CASP6: variants seen among roughly 807,000 people sequenced by gnomAD.
CASP6 encodes the protein caspase-6.
CASP6 carries 20 observed loss-of-function variants against 31.8 expected under a neutral mutation model. The observed-to-expected ratio is 0.63, with a 90% CI of 0.44 to 0.91. The LOEUF (loss-of-function observed/expected upper bound fraction) is 0.91, where lower values mean the gene tolerates loss of function less well. CASP6 is among the 40% of genes least tolerant of loss of function. CASP6 has a pLI of 0.00. For synonymous variants in CASP6, 130 were observed against 127.8 expected, an observed-to-expected ratio of 1.02 and a Z score of -0.12; for missense variants, 328 against 361.1, an observed-to-expected ratio of 0.91 and a Z score of 0.74.
At chr4:109,695,436 C>G (rs5030570) in intron 4 of CASP6, among the ~76,000 whole-genome samples, 6 of 152,138 alleles carry the variant, frequency 3.9e-5, no homozygotes, top group Non-Finnish European at 7.3e-5. Context: ...CAGCTCCCCA[C>G]GCATTGCTGC....
chr4:109,677,802 ATTTTTTTTT>A, the CASP6 span, among the ~76,000 whole-genome samples: 3 of 86,606 alleles, frequency 3.5e-5, no homozygotes, highest in African/African-American at 1.4e-4. Flanking sequence ...AAGGAAACAA[ATTTTTTTTT>A]TTTTTTTTTT....
At chr4:109,696,675 C>T (rs1232496220) in intron 3 of CASP6, among the ~76,000 whole-genome samples, 189 bp from the exon 4 acceptor site, 2 of 151,886 alleles carry the variant, frequency 1.3e-5, no homozygotes, top group Non-Finnish European at 2.9e-5. Context: ...ATCATAATGA[C>T]AGCCGATTCA....
chr4:109,691,834 A>G (rs552425734), intron 5 of CASP6, among the ~76,000 whole-genome samples: 1 of 152,318 alleles, frequency 6.6e-6, no homozygotes, highest in South Asian at 2.1e-4. Flanking sequence ...ACATGCACAG[A>G]AGAAAGACCA....
chr4:109,682,192 C>T, the CASP6 span, among the ~76,000 whole-genome samples: 2 of 152,194 alleles, frequency 1.3e-5, no homozygotes, highest in Non-Finnish European at 2.9e-5. Context: ...CTGTCTCTCA[C>T]GAGGTCTTTG....
chr4:109,689,181 A>G lies in CASP6; in HGVS notation c.*149T>C. 1 of 693,762 alleles carries G rather than the reference A, an allele frequency of 1.4e-6. No homozygotes were observed. The highest frequency in any genetic ancestry group is 2.5e-6 in the Non-Finnish European group (1 of 400,032). 43.0% of individuals were successfully genotyped at this position (693,762 alleles called of 1,614,324 possible). The stretch of plus-strand genomic sequence containing the variant: ...TTTTTAGTAGAGACGGGGCTTCTCC[A>G]TGTTGGTCAGGCTGGTCTCGAACTC... On this transcript the variant is annotated 3_prime_UTR_variant, in exon 7 of 7. Coordinates refer to ENST00000265164, the MANE Select transcript of CASP6 (RefSeq NM_001226.4).
intron 5 of CASP6, 21 bp downstream of exon 5, chr4:109,694,504 T>C: frequency 6.6e-7 from 1 of 1,512,900 alleles, no homozygotes; most frequent in South Asian, 1.3e-5. Flanking sequence ...ATAATTAAGA[T>C]GATAATGTAC....
At chr4:109,666,811 C>T in the CASP6 span, among the ~76,000 whole-genome samples, 2 of 152,086 alleles carry the variant, frequency 1.3e-5, no homozygotes, top group African/African-American at 4.8e-5. Context: ...AATTGGTGTT[C>T]AATTTTGTCA....
chr4:109,668,421 A>C, the CASP6 span, among the ~76,000 whole-genome samples: 2 of 151,902 alleles, frequency 1.3e-5, no homozygotes, highest in African/African-American at 4.8e-5. Flanking sequence ...TCCTTGCTCT[A>C]ATGTCTGTTT....
At chr4:109,673,810 T>C in the CASP6 span, 2 of 661,526 alleles carry the variant, frequency 3.0e-6, no homozygotes, top group East Asian at 5.0e-5. Flanking sequence ...TGAGAGGTTT[T>C]TTCGCTCTAG....
downstream of CASP6, among the ~76,000 whole-genome samples, chr4:109,686,378 A>ATCC (rs1244809803): frequency 6.6e-6 from 1 of 152,204 alleles, no homozygotes; most frequent in Admixed American, 6.5e-5. Flanking sequence ...ACCTCAAGTG[A>ATCC]TCCACCTGCC....
chr4:109,685,571 AAT>A (rs1325047396), downstream of CASP6, among the ~76,000 whole-genome samples: 1 of 152,220 alleles, frequency 6.6e-6, no homozygotes, highest in Non-Finnish European at 1.5e-5. Context: ...GATAGCTTTA[AAT>A]ATGTGTGTTA....
intron 1 of CASP6, 75 bp from the exon 2 acceptor site, chr4:109,698,417 C>T (rs1730318511): frequency 8.0e-7 from 1 of 1,255,454 alleles, no homozygotes; most frequent in Admixed American, 2.0e-5. Flanking sequence ...TCCCATCCCC[C>T]TTCTGACTCC....
At chr4:109,668,299 C>T in the CASP6 span, among the ~76,000 whole-genome samples, 3 of 151,880 alleles carry the variant, frequency 2.0e-5, no homozygotes. Context: ...TTTTGTTTTG[C>T]CTCATGTAGT....
At chr4:109,691,151 G>T in intron 5 of CASP6, 142 bp from the exon 6 acceptor site, 1 of 810,814 alleles carries the variant, frequency 1.2e-6, no homozygotes, top group Non-Finnish European at 1.8e-6. Flanking sequence ...ATACATTCAG[G>T]TTTGGAGGGC....
At chr4:109,701,746 T>A (rs5030528) in intron 1 of CASP6, among the ~76,000 whole-genome samples, 7,368 of 152,284 alleles carry the variant, frequency 0.048, 638 homozygotes, top group African/African-American at 0.17. Context: ...CATTTGTTGA[T>A]GGCCTGATGC....
chr4:109,702,330 T>C (rs1195863121), intron 1 of CASP6, among the ~76,000 whole-genome samples: 4 of 151,320 alleles, frequency 2.6e-5, no homozygotes, highest in Non-Finnish European at 5.9e-5. Context: ...TTCGTTCTTT[T>C]TTTTTTTTTT....
the CASP6 span, among the ~76,000 whole-genome samples, chr4:109,667,662 T>C: frequency 6.7e-6 from 1 of 150,358 alleles, no homozygotes; most frequent in Non-Finnish European, 1.5e-5. Flanking sequence ...TAATAAATAT[T>C]CTACTATATT....
At chr4:109,703,597 C>T, upstream of CASP6, 1 of 633,480 alleles carries the variant, frequency 1.6e-6, no homozygotes, top group Non-Finnish European at 2.6e-6. Flanking sequence ...CCCAGTCGCT[C>T]CGGAGCCCGC....
chr4:109,704,049 A>C (rs1730525073), upstream of CASP6, among the ~76,000 whole-genome samples: 1 of 152,070 alleles, frequency 6.6e-6, no homozygotes, highest in South Asian at 2.1e-4. Flanking sequence ...GGGGAAATTA[A>C]TCCATAAGCC....
Sources: allele counts gnomAD v4.1 joint callset (sites outside exome capture counted in the v4.1 genomes callset), GRCh38; gene constraint gnomAD v4.1.1; transcripts MANE v1.5; gene names NCBI Gene and HGNC (gene_info 2026-07-23, HGNC 2026-07-21).